CUX2: variants seen among roughly 807,000 people sequenced by gnomAD.
CUX2 encodes homeobox protein cut-like 2.
Under a neutral mutation model 144.8 loss-of-function variants are expected in CUX2, and 40 were observed. The observed-to-expected ratio is 0.28, with a 90% CI of 0.21 to 0.36. CUX2 has a LOEUF of 0.36. CUX2 is among the 10% of genes least tolerant of loss of function. The pLI, the probability that CUX2 is intolerant of heterozygous loss-of-function variation, is 1.00. For synonymous variants in CUX2, 827 were observed against 875.6 expected (o/e 0.94, Z 0.98); for missense variants, 1,615 against 1,994.0 (o/e 0.81, Z 3.62).
intron 1 of CUX2, among the ~76,000 whole-genome samples, chr12:111,152,292 AT>A (rs1256515977): frequency 3.3e-5 from 5 of 151,668 alleles, no homozygotes; most frequent in African/African-American, 9.7e-5. Flanking sequence ...CTCAAAAAAA[AT>A]AAATAAATAA....
At chr12:111,265,315 TTTTATTTTA>T (rs1884330218) in intron 4 of CUX2, among the ~76,000 whole-genome samples, 5 of 64,800 alleles carry the variant, frequency 7.7e-5, no homozygotes, top group South Asian at 6.4e-4. Flanking sequence ...TTTATTTTTA[TTTTATTTTA>T]TTTTATTTTA....
At chr12:111,261,904 CTAAA>C (rs1200065821) in intron 3 of CUX2, among the ~76,000 whole-genome samples, 1 of 152,028 alleles carries the variant, frequency 6.6e-6, no homozygotes, top group Non-Finnish European at 1.5e-5. Context: ...GACTCTGTCT[CTAAA>C]TAAATAAATA....
At chr12:111,216,618 C>T (rs901130998) in intron 2 of CUX2, among the ~76,000 whole-genome samples, 13 of 152,196 alleles carry the variant, frequency 8.5e-5, no homozygotes, top group Non-Finnish European at 1.9e-4. Flanking sequence ...GTCCCAGCCT[C>T]CCTCGTAGCT....
chr12:111,172,798 A>G (rs781639154), intron 1 of CUX2, among the ~76,000 whole-genome samples: 5 of 152,250 alleles, frequency 3.3e-5, no homozygotes, highest in African/African-American at 4.8e-5. Context: ...CAGAACTGAT[A>G]TCGTTTGGAA....
At chr12:111,346,475 C>CAAA (rs1012828428) in intron 21 of CUX2, among the ~76,000 whole-genome samples, 1 of 87,536 alleles carries the variant, frequency 1.1e-5, no homozygotes, top group Non-Finnish European at 2.4e-5. Flanking sequence ...GACTCCATCT[C>CAAA]AAAAAAAAAA....
rs1017911659 is a variant in CUX2 at position 111,035,173 on chromosome 12, C to T, written c.63+933C>T. Among the ~76,000 whole-genome samples, 1 of 152,192 alleles carries T rather than the reference C, an allele frequency of 6.6e-6. No individual in the cohort carries two copies. The highest frequency in any genetic ancestry group is 6.5e-5 in the Admixed American group (1 of 15,284). ...TTGTTCTGCCTCCTGCGTTTCTCCC[C>T]GCTGCTCCCCTCGTCTCCTCTCTCC... On this transcript the variant is annotated intron_variant, in intron 1 of 21. Coordinates refer to ENST00000261726, the MANE Select transcript of CUX2 (RefSeq NM_015267.4). The surrounding 1 kb of genome is among the most constrained non-coding windows in gnomAD (Gnocchi z 6.0).
intron 1 of CUX2, among the ~76,000 whole-genome samples, chr12:111,098,416 A>G (rs1219194139): frequency 2.0e-5 from 3 of 151,422 alleles, no homozygotes; most frequent in Non-Finnish European, 4.4e-5. Flanking sequence ...AAAAAAAAAA[A>G]GAACTGAGTG....
rs547203033 is a variant in CUX2, at chr12:111,329,202, G to A, written c.2927-5239G>A. Among the ~76,000 whole-genome samples the A allele has an allele frequency of 1.4e-3, 214 of 151,046 alleles. 1 individual carries two copies. The highest frequency in any genetic ancestry group is 2.7e-3 in the Non-Finnish European group (182 of 67,844). On this transcript the variant is annotated intron_variant, in intron 18 of 21. Transcript: ENST00000261726. ...TTTCTGTAGTAAAATAAGGAAAGTCGCGGGCAGACTGGGATGGGTTGGTCA... is the reference window on the plus strand; with the variant it reads ...TTTCTGTAGTAAAATAAGGAAAGTCACGGGCAGACTGGGATGGGTTGGTCA...
At chr12:111,342,166 A>G (rs1395743248) in intron 21 of CUX2, 113 bp downstream of exon 21, 8 of 1,239,930 alleles carry the variant, frequency 6.5e-6, no homozygotes, top group South Asian at 5.8e-5. Context: ...GGAAGACCCC[A>G]TCACATAGGC....
chr12:111,217,887 C>G lies in CUX2; in HGVS notation c.175-3C>G. 6.2e-7 allele frequency: 1 copy of G among 1,614,082 alleles called. No homozygotes were observed. The highest frequency in any genetic ancestry group is 8.5e-7 in the Non-Finnish European group (1 of 1,180,002). ...GTGAACTCTTTGCTGATCTCTTTTTCAGGAAATCAGAGAGATGGTGGCTCC... is the reference window on the plus strand; with the variant it reads ...GTGAACTCTTTGCTGATCTCTTTTTGAGGAAATCAGAGAGATGGTGGCTCC... On this transcript the variant is annotated splice_region_variant and splice_polypyrimidine_tract_variant and intron_variant, in intron 2 of 21. Coordinates refer to ENST00000261726, the MANE Select transcript of CUX2 (RefSeq NM_015267.4).
At chr12:111,040,757 A>G (rs1477219240) in intron 1 of CUX2, among the ~76,000 whole-genome samples, 5 of 152,162 alleles carry the variant, frequency 3.3e-5, no homozygotes, top group African/African-American at 4.8e-5. Context: ...ATAGAGTTGG[A>G]TAATAATACA....
intron 1 of CUX2, among the ~76,000 whole-genome samples, chr12:111,051,889 A>G (rs77664632): frequency 0.01 from 1,533 of 151,626 alleles, 27 homozygotes; most frequent in African/African-American, 0.036. Context: ...TAACTATATT[A>G]CTTGAGGATT....
chr12:111,302,445 T>G (rs1886337793), intron 9 of CUX2, among the ~76,000 whole-genome samples: 1 of 152,202 alleles, frequency 6.6e-6, no homozygotes, highest in African/African-American at 2.4e-5. Flanking sequence ...CCCATTTTAT[T>G]AATAGGGAAA....
chr12:111,045,697 G>A (rs1367165558), intron 1 of CUX2, among the ~76,000 whole-genome samples: 3 of 152,212 alleles, frequency 2.0e-5, no homozygotes, highest in Non-Finnish European at 4.4e-5. Context: ...TGGGCTCGGA[G>A]CAGTCAGATC....
intron 1 of CUX2, among the ~76,000 whole-genome samples, chr12:111,058,596 G>A (rs1187359923): frequency 6.6e-6 from 1 of 151,974 alleles, no homozygotes; most frequent in East Asian, 1.9e-4. Context: ...AGACAGAGAG[G>A]GAGCAATTCT....
At chr12:111,302,661 A>G (rs1205404954) in intron 9 of CUX2, among the ~76,000 whole-genome samples, 1 of 151,994 alleles carries the variant, frequency 6.6e-6, no homozygotes, top group Non-Finnish European at 1.5e-5. Flanking sequence ...CACTTTTGGG[A>G]GGCTGAGGTG....
intron 1 of CUX2, among the ~76,000 whole-genome samples, chr12:111,134,321 C>T (rs569617575): frequency 7.4e-4 from 112 of 152,318 alleles, no homozygotes; most frequent in African/African-American, 2.5e-3. Flanking sequence ...CACCCACATG[C>T]GTGCTTCTTA....
At chr12:111,334,043 A>T (rs145315835) in intron 18 of CUX2, among the ~76,000 whole-genome samples, 1 of 151,356 alleles carries the variant, frequency 6.6e-6, no homozygotes, top group African/African-American at 2.4e-5. Flanking sequence ...AAAAATTAGC[A>T]GGGCGTAGTG....
Position 111,312,875 on chromosome 12 carries a change from C to T in CUX2, c.2002+674C>T, listed in dbSNP as rs114947211. On this transcript the variant is annotated intron_variant, in intron 16 of 21. Coordinates refer to ENST00000261726, the MANE Select transcript of CUX2 (RefSeq NM_015267.4). The surrounding 1 kb of genome is among the most constrained non-coding windows in gnomAD (Gnocchi z 4.3). ...ACACCTTTCACCTGGCCAACTCCTA[C>T]TCATACCTATGACTCAACTCAGAAG... 4.1e-3 allele frequency among the ~76,000 whole-genome samples: 622 copies of T among 152,272 alleles called. 6 individuals carry two copies. The highest frequency in any genetic ancestry group is 0.014 in the African/African-American group (587 of 41,554).
Sources: allele counts gnomAD v4.1 joint callset (sites outside exome capture counted in the v4.1 genomes callset), GRCh38; gene constraint gnomAD v4.1.1; non-coding constraint Gnocchi (gnomAD v3.1); transcripts MANE v1.5; gene names NCBI Gene and HGNC (gene_info 2026-07-23, HGNC 2026-07-21).